The following C1orf21 variants were observed in gnomAD, a reference collection of about 807,000 sequenced individuals.
C1orf21 encodes the protein uncharacterized protein C1orf21.
A neutral mutation model predicts 18.7 loss-of-function variants in C1orf21; 3 were observed. The observed-to-expected ratio is 0.16, with a 90% CI of 0.07 to 0.42. C1orf21 has a LOEUF of 0.42. C1orf21 is among the 10% of genes least tolerant of loss of function. C1orf21 has a pLI of 0.99. For missense variants in C1orf21, 104 were observed against 143.6 expected (o/e 0.72, Z 1.41); for synonymous variants, 41 against 46.4 (o/e 0.88, Z 0.47).
chr1:184,400,304 C>T (rs1427530239), intron 1 of C1orf21, among the ~76,000 whole-genome samples: 3 of 152,006 alleles, frequency 2.0e-5, no homozygotes, highest in African/African-American at 7.3e-5. Flanking sequence ...TTCTCATTGC[C>T]TTTGAGCTGG....
intron 1 of C1orf21, among the ~76,000 whole-genome samples, chr1:184,436,029 C>G (rs1443964126): frequency 6.6e-6 from 1 of 152,050 alleles, no homozygotes; most frequent in Non-Finnish European, 1.5e-5. Context: ...ACGTGGAGAC[C>G]AAAGCCCAAC....
chr1:184,524,318 A>G (rs539839666), intron 3 of C1orf21, among the ~76,000 whole-genome samples: 1 of 152,270 alleles, frequency 6.6e-6, no homozygotes, highest in South Asian at 2.1e-4. Context: ...AATTAGAACT[A>G]AAGACTTTGT....
chr1:184,453,478 T>C (rs116738077), intron 1 of C1orf21, among the ~76,000 whole-genome samples: 1 of 152,342 alleles, frequency 6.6e-6, no homozygotes, highest in Non-Finnish European at 1.5e-5. Context: ...AAACGAATGT[T>C]TCATTTTCCT....
chr1:184,556,701 T>C (rs985049448), intron 3 of C1orf21, among the ~76,000 whole-genome samples: 14 of 152,138 alleles, frequency 9.2e-5, no homozygotes, highest in African/African-American at 3.1e-4. Context: ...ATCAGACTTC[T>C]AAAGAGTGGA....
At chr1:184,508,291 C>T (rs1259991530) in intron 3 of C1orf21, among the ~76,000 whole-genome samples, 3 of 152,068 alleles carry the variant, frequency 2.0e-5, no homozygotes, top group African/African-American at 4.8e-5. Flanking sequence ...CATCCCATAT[C>T]TATAAAAACA....
chr1:184,526,673 G>A (rs997919311), intron 3 of C1orf21, among the ~76,000 whole-genome samples: 4 of 152,056 alleles, frequency 2.6e-5, no homozygotes, highest in African/African-American at 9.7e-5. Context: ...AAAAATAAAA[G>A]CATCAGCTTT....
At chr1:184,432,984 G>A (rs1252743952) in intron 1 of C1orf21, among the ~76,000 whole-genome samples, 3 of 152,146 alleles carry the variant, frequency 2.0e-5, no homozygotes, top group Non-Finnish European at 4.4e-5. Flanking sequence ...CAAGATCAGT[G>A]GTATCCAAGT....
chr1:184,619,495 T>C, intron 5 of C1orf21, 23 bp from the exon 6 acceptor site: 2 of 1,610,224 alleles, frequency 1.2e-6, no homozygotes, highest in Non-Finnish European at 1.7e-6. Flanking sequence ...ATTCACATGC[T>C]CTTTTTTCTT....
chr1:184,564,205 C>T (rs1659002979), intron 3 of C1orf21, among the ~76,000 whole-genome samples: 1 of 152,248 alleles, frequency 6.6e-6, no homozygotes, highest in African/African-American at 2.4e-5. Flanking sequence ...CTGCTTACTA[C>T]TCTAGAGTTA....
At chr1:184,593,506 C>T (rs1375246532) in intron 4 of C1orf21, among the ~76,000 whole-genome samples, 4 of 152,214 alleles carry the variant, frequency 2.6e-5, no homozygotes, top group Non-Finnish European at 5.9e-5. Context: ...AAAGGCAGAT[C>T]ATCCTCATAC....
intron 3 of C1orf21, among the ~76,000 whole-genome samples, chr1:184,518,788 T>C (rs1215842047): frequency 6.6e-6 from 1 of 152,096 alleles, no homozygotes; most frequent in Non-Finnish European, 1.5e-5. Flanking sequence ...CAATGCACAG[T>C]TGCAACTCTC....
chr1:184,614,106 G>A (rs1216355067), intron 5 of C1orf21, among the ~76,000 whole-genome samples: 3 of 152,314 alleles, frequency 2.0e-5, no homozygotes, highest in East Asian at 3.9e-4. Flanking sequence ...GGATCTGAAT[G>A]TGAACTGACT....
chr1:184,533,879 C>CT (rs1023283659), intron 3 of C1orf21, among the ~76,000 whole-genome samples: 21 of 152,296 alleles, frequency 1.4e-4, no homozygotes, highest in Admixed American at 3.9e-4. Context: ...CTTGGGCTGC[C>CT]TTTGTTTCTT....
At position 184,626,081 on chromosome 1, in the gene C1orf21, G is replaced by A. The variant is rs1010533133; in HGVS notation, c.*6525G>A. Reference sequence around the variant, plus strand: ...TAGCATTTTTAGCATTGCCTTTCCAGTCTTGATGATTCATTCATTGAACTC... The same window carrying A: ...TAGCATTTTTAGCATTGCCTTTCCAATCTTGATGATTCATTCATTGAACTC... On this transcript the variant is annotated 3_prime_UTR_variant, in exon 6 of 6. Coordinates refer to ENST00000235307, the MANE Select transcript of C1orf21 (RefSeq NM_030806.4). 1 of 152,158 alleles carries A rather than the reference G, an allele frequency of 6.6e-6. No homozygotes were observed. The highest frequency in any genetic ancestry group is 1.5e-5 in the Non-Finnish European group (1 of 68,042). 9.4% of individuals were successfully genotyped at this position (152,158 alleles called of 1,614,324 possible).
rs1251951263 is a variant in C1orf21 at position 184,628,911 on chromosome 1, G to T, written c.*9355G>T. 1 of 152,396 alleles carries T rather than the reference G, an allele frequency of 6.6e-6. No homozygotes were observed. The highest frequency in any genetic ancestry group is 1.5e-5 in the Non-Finnish European group (1 of 67,988). The allele number at this position is 152,396 out of a possible 1,614,324, so 9.4% of individuals were successfully genotyped here. On this transcript the variant is annotated 3_prime_UTR_variant, in exon 6 of 6. Coordinates refer to ENST00000235307, the MANE Select transcript of C1orf21 (RefSeq NM_030806.4). ...ATGATTCTATTCCATTTTGAAAAGG[G>T]TCTGAGAAAGTGTACAGGTCTAATT...
At chr1:184,571,839 T>C (rs1359836233) in intron 3 of C1orf21, among the ~76,000 whole-genome samples, 1 of 152,224 alleles carries the variant, frequency 6.6e-6, no homozygotes. Flanking sequence ...TTGAAAAAGA[T>C]GGACATGCAG....
intron 2 of C1orf21, among the ~76,000 whole-genome samples, chr1:184,506,338 C>T (rs918148893): frequency 1.3e-5 from 2 of 152,176 alleles, no homozygotes; most frequent in Admixed American, 6.5e-5. Flanking sequence ...ATTACTGTAA[C>T]GAACATCTTT....
intron 1 of C1orf21, among the ~76,000 whole-genome samples, chr1:184,468,086 C>T (rs553600395): frequency 6.6e-6 from 1 of 151,986 alleles, no homozygotes; most frequent in African/African-American, 2.4e-5. Flanking sequence ...CAAAGTCCTT[C>T]CCCCCAAAAA....
intron 1 of C1orf21, among the ~76,000 whole-genome samples, chr1:184,438,398 G>A (rs942645898): frequency 1.3e-5 from 2 of 152,194 alleles, no homozygotes; most frequent in African/African-American, 4.8e-5. Flanking sequence ...GTTCTTCTAT[G>A]GCAATGTTTT....
Sources: gnomAD v4.1 joint callset for allele counts (sites outside exome capture counted in the v4.1 genomes callset) on GRCh38, gnomAD v4.1.1 for gene constraint, MANE v1.5 for transcripts, NCBI Gene and HGNC (gene_info 2026-07-23, HGNC 2026-07-21) for gene names.